The following VPS13D variants were observed in gnomAD, a reference collection of about 807,000 sequenced individuals.
VPS13D encodes intermembrane lipid transfer protein VPS13D.
Under a neutral mutation model 461.9 loss-of-function variants are expected in VPS13D, and 187 were observed. That is an observed-to-expected ratio of 0.40 (90% CI 0.36 to 0.46). The LOEUF (loss-of-function observed/expected upper bound fraction) is 0.46, where lower values mean the gene tolerates loss of function less well. Ranked by LOEUF, VPS13D falls within the 20% of genes least tolerant of loss-of-function variation. VPS13D has a pLI of 0.60. For synonymous variants in VPS13D, 1,951 were observed against 1,986.3 expected (o/e 0.98, Z 0.47); for missense variants, 4,711 against 5,364.9 (o/e 0.88, Z 3.81).
Position 12,253,542 on chromosome 1 carries a change from A to G in VPS13D, c.565-180A>G, listed in dbSNP as rs59587084. ...TAAAATTATGTATTTGCCTGTTTGT[A>G]TCGCCAGTTAGCTAGATTTTGAACT... On this transcript the variant is annotated intron_variant, in intron 6 of 69. Coordinates refer to ENST00000620676, the MANE Select transcript of VPS13D (RefSeq NM_015378.4). 5.9e-4 allele frequency among the ~76,000 whole-genome samples: 90 copies of G among 152,340 alleles called. 2 individuals carry two copies. In the East Asian group the frequency reaches 0.015, roughly 25 times the overall value.
At chr1:12,380,177 G>A (rs1644254645) in intron 57 of VPS13D, among the ~76,000 whole-genome samples, 1 of 151,988 alleles carries the variant, frequency 6.6e-6, no homozygotes, top group African/African-American at 2.4e-5. Context: ...GGCTTACCTG[G>A]ACTTTTTCTT....
chr1:12,330,288 G>C (rs1306107230), intron 37 of VPS13D, among the ~76,000 whole-genome samples: 1 of 151,944 alleles, frequency 6.6e-6, no homozygotes, highest in African/African-American at 2.4e-5. Flanking sequence ...GGTGGTGGGC[G>C]CCTGTAGTCC....
intron 35 of VPS13D, among the ~76,000 whole-genome samples, chr1:12,324,663 A>C (rs2101537071): frequency 6.6e-6 from 1 of 152,326 alleles, no homozygotes; most frequent in Non-Finnish European, 1.5e-5. Flanking sequence ...GATTTGATGT[A>C]AGTAAATGAC....
At chr1:12,483,982 G>A (rs1486663210) in intron 67 of VPS13D, among the ~76,000 whole-genome samples, 1 of 150,266 alleles carries the variant, frequency 6.7e-6, no homozygotes, top group East Asian at 2.0e-4. Flanking sequence ...GGGCAACAGA[G>A]TGGGACTCCC....
chr1:12,450,864 C>T (rs907778522), intron 65 of VPS13D, among the ~76,000 whole-genome samples: 10 of 152,226 alleles, frequency 6.6e-5, no homozygotes, highest in Non-Finnish European at 1.5e-4. Context: ...AGTCCTGCCA[C>T]TTCTCTCTTT....
intron 46 of VPS13D, 39 bp from the exon 47 acceptor site, chr1:12,353,935 A>G (rs1208233935): frequency 3.1e-6 from 5 of 1,596,816 alleles, no homozygotes; most frequent in African/African-American, 1.3e-5. Context: ...TAAGTTCTTC[A>G]TTAAGTCTGA....
chr1:12,235,151 T>C (rs1050469448), intron 2 of VPS13D, among the ~76,000 whole-genome samples: 1 of 152,202 alleles, frequency 6.6e-6, no homozygotes, highest in Non-Finnish European at 1.5e-5. Flanking sequence ...GAAGGAGACT[T>C]CAAATACAGT....
At position 12,342,957 on chromosome 1, in the gene VPS13D, C is replaced by T; in HGVS notation, c.8791C>T (p.Leu2931Phe). 1 of 1,613,890 alleles carries T rather than the reference C, an allele frequency of 6.2e-7. No individual in the cohort carries two copies. Among genetic ancestry groups the T allele is most frequent in the South Asian group, 1.1e-5 (1 of 91,064 alleles). The change falls in exon 42 of 70, where the codon CTC (leucine) becomes TTC (phenylalanine). Residue 2931 changes from leucine to phenylalanine, a missense_variant. This residue lies in a region of VPS13D where 4,411 missense variants were observed against 4,937.8 expected (regional missense o/e 0.89). Coordinates refer to ENST00000620676, the MANE Select transcript of VPS13D (RefSeq NM_015378.4). Reference protein sequence around the residue: ...GVVPEGNGTFLDDTHNVSEWR... With the variant: ...GVVPEGNGTFFDDTHNVSEWR... ...AGTTCCAGAAGGGAACGGAACATTT[C>T]TCGATGATACTCACAATGTTAGTGA... is the stretch of plus-strand genomic sequence containing the variant.
chr1:12,392,133 A>T (rs984817607), intron 60 of VPS13D, among the ~76,000 whole-genome samples: 2 of 151,992 alleles, frequency 1.3e-5, no homozygotes, highest in African/African-American at 4.8e-5. Context: ...GGGTCCTGGG[A>T]TTATAGGTGT....
chr1:12,459,311 C>T (rs1645372442), intron 66 of VPS13D, among the ~76,000 whole-genome samples: 1 of 152,136 alleles, frequency 6.6e-6, no homozygotes, highest in Non-Finnish European at 1.5e-5. Context: ...TTAACGTATA[C>T]AGGACGGTGT....
At chr1:12,350,088 A>G (rs780973808) in intron 46 of VPS13D, among the ~76,000 whole-genome samples, 1 of 152,222 alleles carries the variant, frequency 6.6e-6, no homozygotes, top group African/African-American at 2.4e-5. Context: ...AAATACATCA[A>G]ATACATAGCT....
intron 55 of VPS13D, among the ~76,000 whole-genome samples, chr1:12,376,602 C>T (rs1644202221): frequency 6.6e-6 from 1 of 152,186 alleles, no homozygotes; most frequent in South Asian, 2.1e-4. Flanking sequence ...CAAGGTCATT[C>T]AGCTTGTAAA....
chr1:12,456,530 C>G (rs968194476), intron 66 of VPS13D, among the ~76,000 whole-genome samples: 4 of 148,002 alleles, frequency 2.7e-5, no homozygotes, highest in African/African-American at 1.0e-4. Context: ...CCCAGCTACT[C>G]GGGAGGCTGA....
At chr1:12,470,747 T>A (rs1645552452) in intron 67 of VPS13D, among the ~76,000 whole-genome samples, 1 of 152,230 alleles carries the variant, frequency 6.6e-6, no homozygotes, top group Non-Finnish European at 1.5e-5. Flanking sequence ...TATAGTTTTC[T>A]TGAAGAACTC....
intron 42 of VPS13D, among the ~76,000 whole-genome samples, chr1:12,344,378 G>C (rs1050371110): frequency 6.6e-6 from 1 of 152,060 alleles, no homozygotes; most frequent in Non-Finnish European, 1.5e-5. Flanking sequence ...AGAAGCAAGA[G>C]TTCTGAACGT....
At chr1:12,255,038 C>T (rs547818944) in intron 7 of VPS13D, among the ~76,000 whole-genome samples, 63 of 152,142 alleles carry the variant, frequency 4.1e-4, no homozygotes, top group South Asian at 1.7e-3. Context: ...CTCCACCTCC[C>T]GGGTTCAAGT....
intron 67 of VPS13D, among the ~76,000 whole-genome samples, chr1:12,471,265 C>T (rs1293090731): frequency 1.3e-5 from 2 of 152,210 alleles, no homozygotes; most frequent in Non-Finnish European, 2.9e-5. Flanking sequence ...CATGCCACTG[C>T]ACTCCAGCCT....
intron 39 of VPS13D, chr1:12,337,425 A>G (rs961409940): frequency 1.3e-5 from 2 of 152,200 alleles, no homozygotes; most frequent in Admixed American, 1.3e-4. Flanking sequence ...TCATATTCCT[A>G]CAAAAGTTAT....
intron 67 of VPS13D, among the ~76,000 whole-genome samples, chr1:12,487,975 T>G (rs531542007): frequency 3.9e-4 from 59 of 152,380 alleles, no homozygotes; most frequent in African/African-American, 1.4e-3. Flanking sequence ...TAGTTTGATT[T>G]GCTCTAGCTC....
Sources: allele counts gnomAD v4.1 joint callset (sites outside exome capture counted in the v4.1 genomes callset), GRCh38; gene constraint gnomAD v4.1.1; regional missense constraint gnomAD v4.1.1; transcripts MANE v1.5; gene names NCBI Gene and HGNC (gene_info 2026-07-23, HGNC 2026-07-21).